Variants in RNF144A observed in about 807,000 individuals in gnomAD.
RNF144A encodes ring finger protein 144A, also known as E3 ubiquitin-protein ligase RNF144A.
A neutral mutation model predicts 38.7 loss-of-function variants in RNF144A; 11 were observed. The observed-to-expected ratio is 0.28, with a 90% confidence interval of 0.18 to 0.47. The LOEUF is 0.47. Ranked by LOEUF, RNF144A falls within the 20% of genes least tolerant of loss-of-function variation. The probability of loss-of-function intolerance (pLI) is 0.99; values close to 1 mark genes in which losing one functional copy is unlikely to be tolerated. For synonymous variants in RNF144A, 149 were observed against 143.9 expected (o/e 1.04, Z -0.25); for missense variants, 316 against 377.2 (o/e 0.84, Z 1.34).
intron 7 of RNF144A, among the ~76,000 whole-genome samples, chr2:7,026,799 C>G (rs2103439603): frequency 6.6e-6 from 1 of 152,270 alleles, no homozygotes; most frequent in East Asian, 1.9e-4. Context: ...GAGGAAGGCC[C>G]TCCCTGTCCA....
At chr2:7,063,899 G>T (rs1674079583) in intron 6 of RNF144A, among the ~76,000 whole-genome samples, 1 of 152,136 alleles carries the variant, frequency 6.6e-6, no homozygotes, top group Non-Finnish European at 1.5e-5. Context: ...CCACATAGTG[G>T]ATAATTTATT....
intron 2 of RNF144A, among the ~76,000 whole-genome samples, chr2:6,953,979 C>G (rs901408943): frequency 6.6e-6 from 1 of 151,666 alleles, no homozygotes; most frequent in East Asian, 1.9e-4. Context: ...AATGTATTAC[C>G]TTCTTTTTCT....
intron 6 of RNF144A, among the ~76,000 whole-genome samples, chr2:7,059,345 CA>C (rs548833029): frequency 6.7e-6 from 1 of 149,842 alleles, no homozygotes; most frequent in East Asian, 2.0e-4. Flanking sequence ...GACTCCGCCT[CA>C]AAAAAAAATA....
At position 6,919,553 on chromosome 2, in the gene RNF144A, G is replaced by T. The variant is rs71436165; in HGVS notation, c.-212+1931G>T. Among the ~76,000 whole-genome samples, 1,239 of 152,274 alleles carry T rather than the reference G, an allele frequency of 8.1e-3. 5 individuals carry two copies. The highest frequency in any genetic ancestry group is 0.013 in the Non-Finnish European group (880 of 68,016). ...TGGTTTTGGAGGAGGAGGGTGATCT[G>T]AGCCCTGCTTTAGAGTGATTTCCGC... On this transcript the variant is annotated intron_variant, in intron 1 of 8. Coordinates refer to ENST00000320892, the MANE Select transcript of RNF144A (RefSeq NM_014746.6).
At chr2:7,063,575 G>A (rs968459527) in intron 6 of RNF144A, among the ~76,000 whole-genome samples, 45 of 152,092 alleles carry the variant, frequency 3.0e-4, no homozygotes, top group African/African-American at 1.0e-3. Flanking sequence ...GGAGTCAAAG[G>A]GGTGTTTGAG....
intron 6 of RNF144A, 73 bp from the exon 7 acceptor site, chr2:7,024,296 C>G: frequency 7.4e-7 from 1 of 1,355,290 alleles, no homozygotes; most frequent in Non-Finnish European, 1.0e-6. Flanking sequence ...GCCGATGCTT[C>G]CAGCATAGCC....
intron 1 of RNF144A, among the ~76,000 whole-genome samples, chr2:6,932,545 GGT>G (rs1339270098): frequency 2.0e-5 from 3 of 152,034 alleles, no homozygotes; most frequent in African/African-American, 7.2e-5. Flanking sequence ...CTTTAAAATT[GGT>G]GTGTGTTTTA....
intron 6 of RNF144A, among the ~76,000 whole-genome samples, chr2:7,066,288 C>T (rs957263038): frequency 3.9e-5 from 6 of 151,982 alleles, no homozygotes; most frequent in East Asian, 1.9e-4. Context: ...GGGGTTTCAC[C>T]GTGTTAGCCA....
At chr2:7,016,104 TAAA>T (rs35418947) in intron 5 of RNF144A, among the ~76,000 whole-genome samples, 3 of 115,136 alleles carry the variant, frequency 2.6e-5, no homozygotes, top group Non-Finnish European at 3.6e-5. Context: ...ACCCCGTCTC[TAAA>T]AAAAAAAAAA....
chr2:7,014,601 C>A, intron 4 of RNF144A, 43 bp downstream of exon 4: 1 of 1,509,660 alleles, frequency 6.6e-7, no homozygotes, highest in Non-Finnish European at 9.2e-7. Context: ...TGTGCACAGG[C>A]GTGCACTGCT....
At chr2:7,065,411 A>G (rs531682137) in intron 6 of RNF144A, among the ~76,000 whole-genome samples, 1 of 152,342 alleles carries the variant, frequency 6.6e-6, no homozygotes, top group African/African-American at 2.4e-5. Flanking sequence ...AGGTTCCTCA[A>G]AAGTGGGATG....
chr2:7,055,891 G>A (rs1673721361), intron 6 of RNF144A, among the ~76,000 whole-genome samples: 1 of 152,134 alleles, frequency 6.6e-6, no homozygotes, highest in Non-Finnish European at 1.5e-5. Flanking sequence ...CTTGTCACTT[G>A]CTTCCTCTCA....
intron 1 of RNF144A, among the ~76,000 whole-genome samples, chr2:6,936,254 C>T (rs1051504703): frequency 2.6e-5 from 4 of 152,148 alleles, no homozygotes; most frequent in Non-Finnish European, 5.9e-5. Flanking sequence ...CTTTCTTTAC[C>T]TGGTTGTATT....
intron 2 of RNF144A, among the ~76,000 whole-genome samples, chr2:6,960,416 A>G (rs1038161529): frequency 1.3e-5 from 2 of 152,216 alleles, no homozygotes; most frequent in Non-Finnish European, 2.9e-5. Flanking sequence ...CTTTTGTTAG[A>G]GAACTTGAGT....
intron 6 of RNF144A, among the ~76,000 whole-genome samples, chr2:7,055,506 C>T (rs1673708751): frequency 6.6e-6 from 1 of 152,192 alleles, no homozygotes; most frequent in Admixed American, 6.5e-5. Context: ...ACCTCTTTAG[C>T]ACTCACACAT....
intron 3 of RNF144A, among the ~76,000 whole-genome samples, chr2:6,999,309 G>C (rs999382883): frequency 2.0e-5 from 3 of 152,234 alleles, no homozygotes; most frequent in Non-Finnish European, 4.4e-5. Flanking sequence ...TCAGAAGGGA[G>C]GAGGTGTCGG....
chr2:7,070,727 C>T (rs146461855), downstream of RNF144A, among the ~76,000 whole-genome samples: 337 of 152,146 alleles, frequency 2.2e-3, no homozygotes, highest in African/African-American at 6.9e-3. Flanking sequence ...GCACGCCATA[C>T]GATGGAGGAG....
In RNF144A at chr2:7,043,128, A is replaced by G. The variant is rs563974046; in HGVS notation, c.*3368A>G. 4.9e-5 allele frequency: 47 copies of G among 953,220 alleles called. No individual in the cohort carries two copies. In the African/African-American group the frequency reaches 7.8e-4, roughly 16 times the overall value. The allele number at this position is 953,220 out of a possible 1,614,324, so 59.0% of individuals were successfully genotyped here. On this transcript the variant is annotated 3_prime_UTR_variant, in exon 9 of 9. Coordinates refer to ENST00000320892, the MANE Select transcript of RNF144A (RefSeq NM_014746.6). ...GGTGATCTGCCCACCTCGGCTTCCCAAAGTGCTGGAATTACAGGCCTGAGC... is the reference window on the plus strand; with the variant it reads ...GGTGATCTGCCCACCTCGGCTTCCCGAAGTGCTGGAATTACAGGCCTGAGC...
At chr2:6,945,729 T>G (rs923913784) in intron 2 of RNF144A, among the ~76,000 whole-genome samples, 13 of 151,454 alleles carry the variant, frequency 8.6e-5, no homozygotes, top group African/African-American at 1.7e-4. Context: ...TTTTTTTTTT[T>G]GGGTAATGTT....
Sources: gnomAD v4.1 joint callset for allele counts (sites outside exome capture counted in the v4.1 genomes callset) on GRCh38, gnomAD v4.1.1 for gene constraint, MANE v1.5 for transcripts, NCBI Gene and HGNC (gene_info 2026-07-23, HGNC 2026-07-21) for gene names.